The following DCC variants were observed in gnomAD, a reference collection of about 807,000 sequenced individuals.
DCC encodes the protein DCC netrin 1 receptor.
Under a neutral mutation model 172.5 loss-of-function variants are expected in DCC, and 58 were observed. The ratio of observed to expected loss-of-function variants is 0.34; its 90% CI spans 0.27 to 0.42. The LOEUF (loss-of-function observed/expected upper bound fraction) is 0.42. Ranked by LOEUF, DCC falls within the 10% of genes least tolerant of loss-of-function variation. The pLI, the probability that DCC is intolerant of heterozygous loss-of-function variation, is 1.00. For missense variants in DCC, 1,740 were observed against 1,791.0 expected, an observed-to-expected ratio of 0.97 and a Z score of 0.51; for synonymous variants, 709 against 644.5, an observed-to-expected ratio of 1.10 and a Z score of -1.52.
Position 53,351,418 on chromosome 18 carries a change from C to CACAGTGTATATATATATAT in DCC, c.2359+11514_2359+11515insGTGTATATATATATATACA. The stretch of plus-strand genomic sequence containing the variant: ...TATACAGTGTATATATATATATATA[C>CACAGTGTATATATATATAT]ACACTGTGTATATATATATACAGTG... On this transcript the variant is annotated intron_variant, in intron 15 of 28. Transcript: ENST00000442544. Among the ~76,000 whole-genome samples the CACAGTGTATATATATATAT allele has an allele frequency of 6.7e-3, 129 of 19,276 alleles. 14 individuals are homozygous for CACAGTGTATATATATATAT. The highest frequency in any genetic ancestry group is 8.9e-3 in the Non-Finnish European group (103 of 11,610). The allele number at this position is 19,276 out of a possible 152,430, so 12.6% of individuals were successfully genotyped here.
chr18:52,949,736 T>A (rs1426038360), intron 5 of DCC, among the ~76,000 whole-genome samples: 1 of 152,234 alleles, frequency 6.6e-6, no homozygotes, highest in Non-Finnish European at 1.5e-5. Flanking sequence ...GCAACACTCT[T>A]GTCAAGGAGC....
At chr18:52,443,065 A>T (rs879051796) in intron 1 of DCC, among the ~76,000 whole-genome samples, 1 of 152,150 alleles carries the variant, frequency 6.6e-6, no homozygotes, top group Admixed American at 6.5e-5. Context: ...GGTAATAATT[A>T]AAAACTTTAA....
chr18:53,203,854 C>G (rs143977696), intron 9 of DCC, among the ~76,000 whole-genome samples: 1 of 152,130 alleles, frequency 6.6e-6, no homozygotes, highest in South Asian at 2.1e-4. Flanking sequence ...TTTTAGGTAA[C>G]CATAGTGTGG....
At chr18:53,361,127 A>G (rs2057940207) in intron 15 of DCC, among the ~76,000 whole-genome samples, 1 of 152,190 alleles carries the variant, frequency 6.6e-6, no homozygotes, top group Non-Finnish European at 1.5e-5. Context: ...ATGTGAACAC[A>G]GACACAGAGA....
chr18:52,392,413 C>T (rs7228794), intron 1 of DCC, among the ~76,000 whole-genome samples: 1 of 152,060 alleles, frequency 6.6e-6, no homozygotes, highest in African/African-American at 2.4e-5. Flanking sequence ...AATAGGATGA[C>T]TGCACATAAG....
intron 1 of DCC, among the ~76,000 whole-genome samples, chr18:52,736,707 A>G (rs1024079994): frequency 6.6e-6 from 1 of 152,234 alleles, no homozygotes. Flanking sequence ...TATAGCAAAC[A>G]GTGACTTTTT....
intron 1 of DCC, among the ~76,000 whole-genome samples, chr18:52,460,013 A>G (rs567594544): frequency 3.5e-4 from 54 of 152,138 alleles, no homozygotes; most frequent in African/African-American, 1.2e-3. Context: ...TAGTGCTACA[A>G]TGAACTTACG....
At chr18:53,378,921 T>A (rs1349718125) in intron 15 of DCC, among the ~76,000 whole-genome samples, 3 of 152,206 alleles carry the variant, frequency 2.0e-5, no homozygotes, top group Non-Finnish European at 4.4e-5. Flanking sequence ...TGCCATTAGA[T>A]TAGCTATTAA....
intron 1 of DCC, among the ~76,000 whole-genome samples, chr18:52,428,049 C>A (rs1381647562): frequency 1.3e-5 from 2 of 152,040 alleles, no homozygotes; most frequent in African/African-American, 4.8e-5. Flanking sequence ...TCCCCTTGGC[C>A]TGGCATTTTG....
intron 3 of DCC, among the ~76,000 whole-genome samples, chr18:52,913,162 T>C (rs1568183324): frequency 6.6e-6 from 1 of 152,018 alleles, no homozygotes; most frequent in Non-Finnish European, 1.5e-5. Context: ...TTGACAATCC[T>C]ATTGTAGTGG....
At chr18:53,015,499 C>T (rs535955014) in intron 5 of DCC, among the ~76,000 whole-genome samples, 5 of 152,150 alleles carry the variant, frequency 3.3e-5, no homozygotes, top group Admixed American at 2.6e-4. Context: ...TTTAGATGCC[C>T]CTTATGTGAG....
chr18:52,715,295 C>CTTTTTTTTTTTTTTTTTTTTTTTT (rs10658253), intron 1 of DCC, among the ~76,000 whole-genome samples: 1 of 144,792 alleles, frequency 6.9e-6, no homozygotes, highest in Non-Finnish European at 1.5e-5. Flanking sequence ...TTTTTCTTTT[C>CTTTTTTTTTTTTTTTTTTTTTTTT]TTTTTTTTTT....
intron 1 of DCC, among the ~76,000 whole-genome samples, chr18:52,377,810 A>G (rs1442599175): frequency 5.9e-5 from 9 of 151,468 alleles, no homozygotes. Flanking sequence ...GGGTTCAAGC[A>G]ATTCTCATAC....
intron 1 of DCC, among the ~76,000 whole-genome samples, chr18:52,440,663 A>G (rs1435072854): frequency 6.6e-6 from 1 of 152,314 alleles, no homozygotes; most frequent in South Asian, 2.1e-4. Context: ...GTCTCTTGAC[A>G]TTATTCTAAA....
intron 1 of DCC, among the ~76,000 whole-genome samples, chr18:52,393,030 C>T (rs574182352): frequency 6.6e-6 from 1 of 152,070 alleles, no homozygotes; most frequent in Admixed American, 6.6e-5. Context: ...CTAGGCTAAT[C>T]TGAGAAGTGA....
At chr18:52,391,513 G>T (rs1226852060) in intron 1 of DCC, among the ~76,000 whole-genome samples, 1 of 152,114 alleles carries the variant, frequency 6.6e-6, no homozygotes, top group Non-Finnish European at 1.5e-5. Flanking sequence ...AAGGAATTAA[G>T]AATTCATACT....
intron 1 of DCC, among the ~76,000 whole-genome samples, chr18:52,496,005 AC>A (rs1366257741): frequency 1.3e-5 from 2 of 152,100 alleles, no homozygotes; most frequent in African/African-American, 4.8e-5. Flanking sequence ...TTGATTACTT[AC>A]TTTAGCTATA....
At chr18:53,369,854 G>C (rs1037168286) in intron 15 of DCC, among the ~76,000 whole-genome samples, 2 of 151,662 alleles carry the variant, frequency 1.3e-5, no homozygotes, top group African/African-American at 2.4e-5. Context: ...GCTGAATTTG[G>C]TTTGCTAGTA....
chr18:52,824,624 A>C (rs1386512595), intron 2 of DCC, among the ~76,000 whole-genome samples: 1 of 152,168 alleles, frequency 6.6e-6, no homozygotes, highest in Non-Finnish European at 1.5e-5. Flanking sequence ...GAACTGCTAT[A>C]GTTTTAAAGA....
Sources: allele counts gnomAD v4.1 joint callset (sites outside exome capture counted in the v4.1 genomes callset), GRCh38; gene constraint gnomAD v4.1.1; transcripts MANE v1.5; gene names NCBI Gene and HGNC (gene_info 2026-07-23, HGNC 2026-07-21).